The following CEACAM3 variants were observed in gnomAD, a reference collection of about 807,000 sequenced individuals.
CEACAM3 encodes cell adhesion molecule CEACAM3.
A neutral mutation model predicts 30.1 loss-of-function variants in CEACAM3; 32 were observed. The observed-to-expected ratio is 1.06, with a 90% CI of 0.80 to 1.43. The LOEUF (loss-of-function observed/expected upper bound fraction) is 1.43. Ranked by LOEUF, CEACAM3 falls within the 40% of genes most tolerant of loss-of-function variation. CEACAM3 has a pLI of 0.00. For missense variants in CEACAM3, 290 were observed against 316.3 expected (o/e 0.92, Z 0.63); for synonymous variants, 134 against 127.2 (o/e 1.05, Z -0.36).
At chr19:41,807,024 A>T (rs1458091073) in intron 2 of CEACAM3, 1 of 1,543,688 alleles carries the variant, frequency 6.5e-7, no homozygotes, top group Non-Finnish European at 8.8e-7. Context: ...TGGCCAAAGA[A>T]TAGGAGATGT....
chr19:41,802,323 A>G (rs1555826095), intron 2 of CEACAM3, among the ~76,000 whole-genome samples: 1 of 152,246 alleles, frequency 6.6e-6, no homozygotes, highest in African/African-American at 2.4e-5. Flanking sequence ...TCACTCAGTT[A>G]TAACAAGTAT....
intron 2 of CEACAM3, among the ~76,000 whole-genome samples, chr19:41,803,424 GTA>G (rs201305338): frequency 0.37 from 47,436 of 126,896 alleles, 10,813 homozygotes; most frequent in Middle Eastern, 0.51. Flanking sequence ...TTTTGTGTGT[GTA>G]TGTGTGTGTG....
At chr19:41,805,119 TG>T (rs2073187706) in intron 2 of CEACAM3, among the ~76,000 whole-genome samples, 1 of 152,012 alleles carries the variant, frequency 6.6e-6, no homozygotes, top group Admixed American at 6.6e-5. Context: ...AAAACACTTT[TG>T]CTCTTATGCA....
intron 2 of CEACAM3, among the ~76,000 whole-genome samples, chr19:41,802,586 G>T (rs2123000833): frequency 6.6e-6 from 1 of 152,278 alleles, no homozygotes; most frequent in South Asian, 2.1e-4. Context: ...CCAGGGGAGG[G>T]ATCAATCTTG....
At chr19:41,809,117 C>T in intron 3 of CEACAM3, 187 bp downstream of exon 3, 1 of 505,562 alleles carries the variant, frequency 2.0e-6, no homozygotes, top group Non-Finnish European at 3.5e-6. Flanking sequence ...TCAACAGCTT[C>T]CTCCTCTGTG....
intron 2 of CEACAM3, among the ~76,000 whole-genome samples, chr19:41,806,023 G>GTTGTTGT (rs1482453810): frequency 2.0e-5 from 3 of 151,976 alleles, no homozygotes; most frequent in African/African-American, 7.3e-5. Flanking sequence ...TGTTGTTGTT[G>GTTGTTGT]TTGTTGTTTG....
At chr19:41,800,742 T>A (rs1248529881) in intron 2 of CEACAM3, among the ~76,000 whole-genome samples, 2 of 152,156 alleles carry the variant, frequency 1.3e-5, no homozygotes, top group Non-Finnish European at 2.9e-5. Context: ...AGTGGACACA[T>A]GACCCACGTG....
intron 2 of CEACAM3, among the ~76,000 whole-genome samples, chr19:41,798,810 T>C (rs1378703642): frequency 6.6e-6 from 1 of 152,140 alleles, no homozygotes; most frequent in Non-Finnish European, 1.5e-5. Flanking sequence ...TATTTTGAGA[T>C]TAATTCACAA....
intron 2 of CEACAM3, among the ~76,000 whole-genome samples, chr19:41,800,576 A>G (rs2073137949): frequency 6.6e-6 from 1 of 152,130 alleles, no homozygotes; most frequent in Non-Finnish European, 1.5e-5. Flanking sequence ...TTCACGTTCC[A>G]TCCTGTACGC....
intron 2 of CEACAM3, among the ~76,000 whole-genome samples, chr19:41,802,928 G>T (rs2073163924): frequency 6.6e-6 from 1 of 152,130 alleles, no homozygotes; most frequent in Non-Finnish European, 1.5e-5. Context: ...CCAGGCTGCA[G>T]ACCTCATCCA....
chr19:41,807,286 CACTCT>C (rs1387919365), intron 2 of CEACAM3: 13 of 1,608,444 alleles, frequency 8.1e-6, no homozygotes, highest in Non-Finnish European at 9.4e-6. Context: ...AGAGGACCCT[CACTCT>C]ACTCAGTGTC....
chr19:41,797,446 G>C, intron 1 of CEACAM3, 143 bp from the exon 2 acceptor site: 1 of 1,083,350 alleles, frequency 9.2e-7, no homozygotes. Flanking sequence ...AGAAAGAAAG[G>C]TCACGTTACT....
intron 3 of CEACAM3, chr19:41,809,180 C>T (rs562077238): frequency 1.4e-5 from 5 of 355,230 alleles, no homozygotes; most frequent in Admixed American, 4.6e-5. Flanking sequence ...TTCCCTCACA[C>T]AGCAAAGCCA....
At chr19:41,803,471 T>G (rs1458327007) in intron 2 of CEACAM3, among the ~76,000 whole-genome samples, 1 of 115,024 alleles carries the variant, frequency 8.7e-6, no homozygotes, top group Non-Finnish European at 1.8e-5. Flanking sequence ...GTTTTGTTTG[T>G]TTTTTTTTTT....
chr19:41,803,936 C>T (rs562856773), intron 2 of CEACAM3, among the ~76,000 whole-genome samples: 35 of 152,092 alleles, frequency 2.3e-4, no homozygotes, highest in Non-Finnish European at 4.3e-4. Flanking sequence ...AAAAAATTAG[C>T]CAGGCATGAT....
chr19:41,799,610 T>G (rs1348385016), intron 2 of CEACAM3, among the ~76,000 whole-genome samples: 2 of 152,142 alleles, frequency 1.3e-5, no homozygotes, highest in Non-Finnish European at 2.9e-5. Flanking sequence ...CCCTCTCAGA[T>G]GCGCACCACT....
rs907648176 is a variant in CEACAM3 at position 41,811,320 on chromosome 19, G to A, written c.*83G>A. The A allele has an allele frequency of 8.3e-7, 1 of 1,206,300 alleles. No homozygotes were observed. 74.7% of individuals were successfully genotyped at this position (1,206,300 alleles called of 1,614,324 possible). ...GGGGATGGGGAAGGACATGAAGCCT[G>A]AGCCAGAGAACCAGCTATAAGTCCT... On this transcript the variant is annotated 3_prime_UTR_variant, in exon 7 of 7. Transcript: ENST00000357396.
At chr19:41,807,178 C>T (rs782373416) in intron 2 of CEACAM3, 9 of 1,610,034 alleles carry the variant, frequency 5.6e-6, no homozygotes, top group South Asian at 2.2e-5. Context: ...ATGCTGTGGC[C>T]TTCACCTGTG....
Position 41,809,995 on chromosome 19 carries a change from G to A in CEACAM3, c.573G>A (p.Gln191=), listed in dbSNP as rs1568744144. ...GCATCCAGCGTGACCTCAAGGAGCA[G>A]CAGCCCCAAGCCCTTGCCCCTGGTG... ...RTSIQRDLKE[Q]QPQALAPGRG... The change falls in exon 4 of 7, where the codon CAG becomes CAA. Residue 191 remains glutamine (Q), a synonymous_variant. Coordinates refer to ENST00000357396, the MANE Select transcript of CEACAM3 (RefSeq NM_001815.5). The A allele has an allele frequency of 1.8e-5, 29 of 1,613,816 alleles. No homozygotes were observed. The highest frequency in any genetic ancestry group is 2.5e-5 in the Non-Finnish European group (29 of 1,179,896).
Sources: gnomAD v4.1 joint callset for allele counts (sites outside exome capture counted in the v4.1 genomes callset) on GRCh38, gnomAD v4.1.1 for gene constraint, MANE v1.5 for transcripts, NCBI Gene and HGNC (gene_info 2026-07-23, HGNC 2026-07-21) for gene names.